The following DENND5A variants were observed in gnomAD, a reference collection of about 807,000 sequenced individuals.
DENND5A encodes DENN domain-containing protein 5A.
Under a neutral mutation model 140.3 loss-of-function variants are expected in DENND5A, and 64 were observed. The ratio of observed to expected loss-of-function variants is 0.46; its 90% CI spans 0.37 to 0.56. The LOEUF (loss-of-function observed/expected upper bound fraction) is 0.56. Among genes scored for constraint, DENND5A ranks in the 20% least tolerant of loss-of-function variants. The pLI is 0.00. For missense variants in DENND5A, 1,292 were observed against 1,593.8 expected (o/e 0.81, Z 3.22); for synonymous variants, 605 against 607.7 (o/e 1.00, Z 0.07).
chr11:9,167,569 G>C (rs1848233804), intron 10 of DENND5A, among the ~76,000 whole-genome samples: 1 of 151,356 alleles, frequency 6.6e-6, no homozygotes, highest in Admixed American at 6.6e-5. Flanking sequence ...CTTGAGCTCA[G>C]AAGTTTGAGA....
In DENND5A at chr11:9,145,967, T is replaced by C. The variant is rs562273155; in HGVS notation, c.2858-152A>G. The C allele has an allele frequency of 2.0e-5, 16 of 814,052 alleles. No homozygotes were observed. In the East Asian group the frequency reaches 2.2e-4, roughly 11 times the overall value. 50.4% of individuals were successfully genotyped at this position (814,052 alleles called of 1,614,324 possible). A position where few individuals can be genotyped will look rare whatever the true frequency, so the allele number is the denominator to read the frequency against. ...CCTGGAACAAGAGGGCCCCAGGACC[T>C]AGTCCCTGGCTAATGTAGAATATTA... On this transcript the variant is annotated intron_variant, in intron 16 of 22. Transcript: ENST00000328194.
intron 1 of DENND5A, among the ~76,000 whole-genome samples, chr11:9,241,724 T>G (rs1226126374): frequency 2.6e-5 from 4 of 152,112 alleles, no homozygotes; most frequent in Non-Finnish European, 4.4e-5. Context: ...CTATTAAAAG[T>G]ACAACATCAG....
At position 9,143,450 on chromosome 11, in the gene DENND5A, C is replaced by T; in HGVS notation, c.3340G>A (p.Glu1114Lys). 2 of 1,614,210 alleles carry T rather than the reference C, an allele frequency of 1.2e-6. No homozygotes were observed. The highest frequency in any genetic ancestry group is 1.7e-6 in the Non-Finnish European group (2 of 1,180,016). ...TGCTTCACAATGCCATTGACTGCCT[C>T]CCCGATGGACTCCTGGATCTGCCCA... Reference protein sequence around the residue: ...NTGQIQESIGEAVNGIVKHFH... With the variant: ...NTGQIQESIGKAVNGIVKHFH... The change falls in exon 20 of 23, where the codon GAG (glutamate) becomes AAG (lysine). Residue 1114 changes from glutamate to lysine, a missense_variant. Coordinates refer to ENST00000328194, the MANE Select transcript of DENND5A (RefSeq NM_015213.4).
chr11:9,207,617 A>G lies in DENND5A; in HGVS notation c.125T>C (p.Ile42Thr). 6.2e-7 allele frequency: 1 copy of G among 1,611,074 alleles called. No individual in the cohort carries two copies. The highest frequency in any genetic ancestry group is 8.5e-7 in the Non-Finnish European group (1 of 1,177,344). ...ACCATCCCTGGCTTTAGAAGCCTGT[A>G]TGTACTGGCATAATGCTATATGATA... ...PDELSALCQY[I>T]QASKARDGAS... The change falls in exon 2 of 23, where the codon ATA becomes ACA. Residue 42 changes from isoleucine (I) to threonine (T), a missense_variant. Around this residue, in one of 4 missense-constraint regions of DENND5A, gnomAD observed 566 missense variants for 650.4 expected, o/e 0.87. Coordinates refer to ENST00000328194, the MANE Select transcript of DENND5A (RefSeq NM_015213.4).
At chr11:9,237,316 A>G (rs1166698443) in intron 1 of DENND5A, among the ~76,000 whole-genome samples, 1 of 152,166 alleles carries the variant, frequency 6.6e-6, no homozygotes, top group African/African-American at 2.4e-5. Flanking sequence ...GCTACTTGGG[A>G]GGCTGAGGCA....
At chr11:9,228,490 T>A (rs1368496556) in intron 1 of DENND5A, among the ~76,000 whole-genome samples, 1 of 152,106 alleles carries the variant, frequency 6.6e-6, no homozygotes, top group Non-Finnish European at 1.5e-5. Flanking sequence ...GGCTCATGCT[T>A]GCAATCCTGG....
At chr11:9,192,414 G>A (rs867532842) in intron 5 of DENND5A, among the ~76,000 whole-genome samples, 7 of 152,118 alleles carry the variant, frequency 4.6e-5, no homozygotes, top group Non-Finnish European at 1.0e-4. Context: ...GGATCATGAG[G>A]TCAGGCGTTC....
Position 9,254,660 on chromosome 11 carries a change from G to A in DENND5A, c.109+10301C>T, listed in dbSNP as rs573074847. Among the ~76,000 whole-genome samples the A allele has an allele frequency of 3.9e-5, 6 of 152,294 alleles. No homozygotes were observed. The South Asian group carries it at 1.2e-3, about 32-fold the overall frequency. ...ATCAACCAGCCCAGTAGAGGAAGAT[G>A]AAAATTAAGTGTAGTCCACATCGAC... On this transcript the variant is annotated intron_variant, in intron 1 of 22. Coordinates refer to ENST00000328194, the MANE Select transcript of DENND5A (RefSeq NM_015213.4).
At chr11:9,233,547 A>T (rs1441807709) in intron 1 of DENND5A, among the ~76,000 whole-genome samples, 2 of 152,166 alleles carry the variant, frequency 1.3e-5, no homozygotes, top group Admixed American at 6.6e-5. Context: ...TTACAGATGT[A>T]GTCAAAAATA....
intron 1 of DENND5A, among the ~76,000 whole-genome samples, chr11:9,260,087 T>C (rs1852128236): frequency 6.7e-6 from 1 of 149,026 alleles, no homozygotes; most frequent in African/African-American, 2.5e-5. Context: ...AATTTTCTAG[T>C]AAGTTCATAC....
At chr11:9,143,600 AC>A (rs1847322642) in intron 19 of DENND5A, 115 bp from the exon 20 acceptor site, 1 of 858,404 alleles carries the variant, frequency 1.2e-6, no homozygotes, top group Admixed American at 1.9e-5. Context: ...GGGCAGCTGG[AC>A]CCTAGGAAGC....
intron 3 of DENND5A, among the ~76,000 whole-genome samples, chr11:9,205,469 A>C (rs1849663022): frequency 6.6e-6 from 1 of 152,242 alleles, no homozygotes; most frequent in South Asian, 2.1e-4. Flanking sequence ...CTAGGAGTCA[A>C]AAAACTTGAG....
At chr11:9,168,474 T>A (rs1034840277) in intron 10 of DENND5A, among the ~76,000 whole-genome samples, 1 of 152,196 alleles carries the variant, frequency 6.6e-6, no homozygotes, top group African/African-American at 2.4e-5. Flanking sequence ...CTTGTGTATG[T>A]CCTTTATCAG....
chr11:9,159,565 G>A (rs1847914385), intron 12 of DENND5A, among the ~76,000 whole-genome samples: 1 of 152,154 alleles, frequency 6.6e-6, no homozygotes, highest in Non-Finnish European at 1.5e-5. Flanking sequence ...TGATCCACCT[G>A]TCTTGGCCTC....
chr11:9,150,273 T>G, intron 14 of DENND5A, 64 bp from the exon 15 acceptor site: 1 of 1,580,788 alleles, frequency 6.3e-7, no homozygotes, highest in Middle Eastern at 1.7e-4. Flanking sequence ...TGCCAATAAC[T>G]TACCTGTAAA....
chr11:9,231,715 CAAAAAAAA>C (rs71062818), intron 1 of DENND5A, among the ~76,000 whole-genome samples: 3 of 78,956 alleles, frequency 3.8e-5, no homozygotes, highest in Non-Finnish European at 4.7e-5. Context: ...AACTCCGTCT[CAAAAAAAA>C]AAAAAAAAAG....
At chr11:9,155,977 T>C (rs528854199) in intron 12 of DENND5A, among the ~76,000 whole-genome samples, 2 of 152,270 alleles carry the variant, frequency 1.3e-5, no homozygotes, top group East Asian at 1.9e-4. Context: ...TAATGGGCGG[T>C]TGCTTAGGAA....
chr11:9,178,902 C>T lies in DENND5A; in HGVS notation c.1627G>A (p.Glu543Lys). 1 of 1,614,144 alleles carries T rather than the reference C, an allele frequency of 6.2e-7. No individual in the cohort carries two copies. The highest frequency in any genetic ancestry group is 8.5e-7 in the Non-Finnish European group (1 of 1,180,020). ...VFVIQPSQDK[E>K]SWFTNREQMQ... ...TGCTCCCTGTTGGTAAACCAGGATT[C>T]CTTATCCTGGCTGGGTTGGATGACA... The change falls in exon 7 of 23, where the codon GAA (glutamate) becomes AAA (lysine). Residue 543 changes from glutamate to lysine, a missense_variant. Around this residue, in one of 4 missense-constraint regions of DENND5A, gnomAD observed 29 missense variants for 64.7 expected, o/e 0.45. Transcript: ENST00000328194.
At chr11:9,156,495 C>T (rs116723918) in intron 12 of DENND5A, among the ~76,000 whole-genome samples, 2,176 of 152,188 alleles carry the variant, frequency 0.014, 47 homozygotes, top group African/African-American at 0.049. Context: ...GACGTGGTGG[C>T]CTGAGCCTGT....
Sources: gnomAD v4.1 joint callset for allele counts (sites outside exome capture counted in the v4.1 genomes callset) on GRCh38, gnomAD v4.1.1 for gene constraint, gnomAD v4.1.1 regional missense constraint, MANE v1.5 for transcripts, NCBI Gene and HGNC (gene_info 2026-07-23, HGNC 2026-07-21) for gene names.